The following GABRG3 variants were observed in gnomAD, a reference collection of about 807,000 sequenced individuals.
GABRG3 encodes the protein gamma-aminobutyric acid receptor subunit gamma-3.
In GABRG3, 25 loss-of-function variants were observed where a neutral mutation model predicts 48.8. The ratio of observed to expected loss-of-function variants is 0.51; its 90% CI spans 0.37 to 0.72. GABRG3 has a LOEUF of 0.72. Ranked by LOEUF, GABRG3 falls within the 30% of genes least tolerant of loss-of-function variation. The pLI, the probability that GABRG3 is intolerant of heterozygous loss-of-function variation, is 0.00. For synonymous variants in GABRG3, 227 were observed against 217.6 expected, an observed-to-expected ratio of 1.04 and a Z score of -0.38; for missense variants, 394 against 577.9, an observed-to-expected ratio of 0.68 and a Z score of 3.26.
At chr15:26,973,142 T>G (rs1894877448) in intron 1 of GABRG3, among the ~76,000 whole-genome samples, 1 of 152,160 alleles carries the variant, frequency 6.6e-6, no homozygotes, top group Admixed American at 6.5e-5. Flanking sequence ...AATCAACTGT[T>G]TAGGTCTCTG....
chr15:27,403,902 CT>C (rs1887545518), intron 5 of GABRG3, among the ~76,000 whole-genome samples: 1 of 102,176 alleles, frequency 9.8e-6, no homozygotes, highest in African/African-American at 4.3e-5. Flanking sequence ...CAAAGCCAGA[CT>C]CAAAAAAAAA....
intron 3 of GABRG3, among the ~76,000 whole-genome samples, chr15:27,198,704 T>C (rs1888586171): frequency 6.6e-6 from 1 of 152,222 alleles, no homozygotes; most frequent in South Asian, 2.1e-4. Context: ...CATGTATGTT[T>C]ATTGCAGCAC....
At chr15:27,129,368 T>C (rs1456486746) in intron 3 of GABRG3, among the ~76,000 whole-genome samples, 1 of 152,240 alleles carries the variant, frequency 6.6e-6, no homozygotes, top group Non-Finnish European at 1.5e-5. Flanking sequence ...GGTTCATTCA[T>C]GTCTTAGCAT....
chr15:26,988,440 T>C (rs1422619783), intron 2 of GABRG3, among the ~76,000 whole-genome samples: 1 of 152,186 alleles, frequency 6.6e-6, no homozygotes, highest in African/African-American at 2.4e-5. Flanking sequence ...TTGTCAGGTG[T>C]TAAAATAGCC....
chr15:27,308,359 A>G (rs1339698034), intron 3 of GABRG3, among the ~76,000 whole-genome samples: 1 of 88,192 alleles, frequency 1.1e-5, no homozygotes, highest in Non-Finnish European at 2.6e-5. Flanking sequence ...ATACGTTTAT[A>G]TATAAACATA....
At chr15:27,437,320 A>G (rs1888649903) in intron 5 of GABRG3, among the ~76,000 whole-genome samples, 1 of 152,226 alleles carries the variant, frequency 6.6e-6, no homozygotes, top group Non-Finnish European at 1.5e-5. Context: ...GTCTCTAATT[A>G]ACAAATGGAG....
intron 3 of GABRG3, among the ~76,000 whole-genome samples, chr15:27,124,966 T>C (rs1897793582): frequency 6.6e-6 from 1 of 152,206 alleles, no homozygotes; most frequent in African/African-American, 2.4e-5. Context: ...CAGCGCACTC[T>C]GGTACTATTC....
chr15:27,148,098 A>G (rs1387869000), intron 3 of GABRG3, among the ~76,000 whole-genome samples: 1 of 151,950 alleles, frequency 6.6e-6, no homozygotes, highest in Non-Finnish European at 1.5e-5. Flanking sequence ...GTAGACGCAC[A>G]TTACTTAATT....
chr15:26,989,124 C>A (rs140142224), intron 2 of GABRG3, among the ~76,000 whole-genome samples: 1 of 152,258 alleles, frequency 6.6e-6, no homozygotes, highest in Non-Finnish European at 1.5e-5. Context: ...TAATTTCCAT[C>A]ACTATGAATT....
chr15:27,184,700 T>C (rs1054596443), intron 3 of GABRG3, among the ~76,000 whole-genome samples: 7 of 152,330 alleles, frequency 4.6e-5, no homozygotes, highest in African/African-American at 1.4e-4. Context: ...TTTTAAATTA[T>C]GGATCCAATT....
intron 5 of GABRG3, among the ~76,000 whole-genome samples, chr15:27,417,032 A>G (rs1887959124): frequency 6.6e-6 from 1 of 152,248 alleles, no homozygotes; most frequent in Non-Finnish European, 1.5e-5. Context: ...GGAATTCTCT[A>G]GAGCAGTGGT....
At chr15:27,517,523 T>C (rs1384043749) in intron 6 of GABRG3, among the ~76,000 whole-genome samples, 1 of 152,180 alleles carries the variant, frequency 6.6e-6, no homozygotes, top group Admixed American at 6.5e-5. Flanking sequence ...AGAAAGCAGG[T>C]GGATTTGCTG....
At chr15:27,002,760 A>AAAAACAG (rs71130292) in intron 2 of GABRG3, among the ~76,000 whole-genome samples, 1 of 125,930 alleles carries the variant, frequency 7.9e-6, no homozygotes, top group East Asian at 2.2e-4. Flanking sequence ...AAAAAAAAAA[A>AAAAACAG]AAAGGAAGGA....
At chr15:27,088,293 G>T (rs1897121682) in intron 3 of GABRG3, among the ~76,000 whole-genome samples, 1 of 151,904 alleles carries the variant, frequency 6.6e-6, no homozygotes, top group South Asian at 2.1e-4. Context: ...GCCAGGAGTG[G>T]GAAGTGGTGG....
chr15:27,501,183 C>T (rs1430606703), intron 6 of GABRG3, among the ~76,000 whole-genome samples: 1 of 152,100 alleles, frequency 6.6e-6, no homozygotes, highest in Admixed American at 6.5e-5. Flanking sequence ...GATCTCCTGA[C>T]CTCGTGATCT....
chr15:27,026,179 T>G (rs1380315640), intron 2 of GABRG3, among the ~76,000 whole-genome samples: 1 of 152,266 alleles, frequency 6.6e-6, no homozygotes, highest in African/African-American at 2.4e-5. Flanking sequence ...TTAAACTCTG[T>G]GATGTATGTG....
chr15:27,330,654 T>C (rs1346863902), intron 5 of GABRG3, among the ~76,000 whole-genome samples: 2 of 152,242 alleles, frequency 1.3e-5, no homozygotes, highest in African/African-American at 4.8e-5. Flanking sequence ...TATAAATTGT[T>C]TTAAAAAGAT....
chr15:27,519,535 A>C (rs1318432044), intron 6 of GABRG3, among the ~76,000 whole-genome samples: 3 of 152,248 alleles, frequency 2.0e-5, no homozygotes, highest in Admixed American at 6.5e-5. Context: ...TAAAATGGTT[A>C]CACAAGTTTA....
chr15:27,069,166 G>T (rs934725783), intron 3 of GABRG3, among the ~76,000 whole-genome samples: 1 of 152,186 alleles, frequency 6.6e-6, no homozygotes, highest in Non-Finnish European at 1.5e-5. Flanking sequence ...CTTGAGACAT[G>T]GGTCTGCTCA....
Sources: gnomAD v4.1 joint callset for allele counts (sites outside exome capture counted in the v4.1 genomes callset) on GRCh38, gnomAD v4.1.1 for gene constraint, MANE v1.5 for transcripts, NCBI Gene and HGNC (gene_info 2026-07-23, HGNC 2026-07-21) for gene names.